Variants in NUCB2 observed in about 807,000 individuals in gnomAD.
NUCB2 encodes nucleobindin-2.
A neutral mutation model predicts 57.9 loss-of-function variants in NUCB2; 48 were observed. The observed-to-expected ratio is 0.83, with a 90% CI of 0.66 to 1.05. The LOEUF is 1.05. Ranked by LOEUF, NUCB2 falls within the 50% of genes least tolerant of loss-of-function variation. NUCB2 has a pLI of 0.00. For missense variants in NUCB2, 442 were observed against 476.2 expected, an observed-to-expected ratio of 0.93 and a Z score of 0.67; for synonymous variants, 139 against 152.1, an observed-to-expected ratio of 0.91 and a Z score of 0.64.
intron 5 of NUCB2, among the ~76,000 whole-genome samples, chr11:17,303,853 C>G (rs999238545): frequency 1.3e-5 from 2 of 150,040 alleles, no homozygotes; most frequent in Non-Finnish European, 3.0e-5. Context: ...TCACCTCACT[C>G]CAGCCTGGGC....
At chr11:17,320,330 C>T (rs946425657) in intron 11 of NUCB2, among the ~76,000 whole-genome samples, 9 of 152,190 alleles carry the variant, frequency 5.9e-5, no homozygotes, top group African/African-American at 2.2e-4. Context: ...TTTCAGAATA[C>T]TAATCCATGC....
intron 6 of NUCB2, 30 bp from the exon 7 acceptor site, chr11:17,310,795 A>C (rs767009043): frequency 5.3e-6 from 8 of 1,521,450 alleles, no homozygotes; most frequent in Non-Finnish European, 7.1e-6. Context: ...GAATGTTTTT[A>C]TTTAACTTAA....
chr11:17,317,285 A>G (rs577244335), intron 11 of NUCB2, among the ~76,000 whole-genome samples: 18 of 152,156 alleles, frequency 1.2e-4, no homozygotes, highest in Middle Eastern at 3.4e-3. Context: ...TAATGTATAT[A>G]CTTATGTATA....
At chr11:17,338,579 T>A (rs1305646386) in intron 2 of NUCB2, among the ~76,000 whole-genome samples, 1 of 152,222 alleles carries the variant, frequency 6.6e-6, no homozygotes, top group Non-Finnish European at 1.5e-5. Context: ...TCCAGATTTA[T>A]GAATATATAC....
chr11:17,294,288 G>A (rs1461357116), intron 2 of NUCB2, among the ~76,000 whole-genome samples: 1 of 152,010 alleles, frequency 6.6e-6, no homozygotes, highest in African/African-American at 2.4e-5. Context: ...ACAGGTTCCT[G>A]GCCCCCACCC....
intron 11 of NUCB2, among the ~76,000 whole-genome samples, chr11:17,319,237 CA>C (rs1949698122): frequency 1.3e-5 from 2 of 152,116 alleles, no homozygotes; most frequent in Admixed American, 1.3e-4. Context: ...TTCTTTTATT[CA>C]ATAAGCTCTA....
chr11:17,292,689 A>G (rs1332725645), intron 2 of NUCB2, among the ~76,000 whole-genome samples: 1 of 152,222 alleles, frequency 6.6e-6, no homozygotes, highest in Non-Finnish European at 1.5e-5. Context: ...TGTATGACTG[A>G]CTGCTGTGTG....
In NUCB2 at chr11:17,285,155, C is replaced by T. The variant is rs188221987; in HGVS notation, c.-1+2212C>T. 3.3e-3 allele frequency among the ~76,000 whole-genome samples: 506 copies of T among 152,186 alleles called. 1 individual carries two copies. Among genetic ancestry groups the T allele is most frequent in the African/African-American group, 6.2e-3 (257 of 41,526 alleles). ...AAAGATACATAAAAGAGGCTGGGCG[C>T]GGTGGCTCATGCCTGTAATCCCAGC... is the stretch of plus-strand genomic sequence containing the variant. On this transcript the variant is annotated intron_variant, in intron 2 of 13. Coordinates refer to ENST00000529010, the MANE Select transcript of NUCB2 (RefSeq NM_005013.4).
chr11:17,288,880 T>TACACACACACACAC lies in NUCB2; in HGVS notation c.-1+5938_-1+5939insCACACACACACACA, dbSNP rs775443519. Among the ~76,000 whole-genome samples, 18 of 67,530 alleles carry TACACACACACACAC rather than the reference T, an allele frequency of 2.7e-4. 1 individual carries two copies. The highest frequency in any genetic ancestry group is 4.3e-4 in the Non-Finnish European group (15 of 34,698). The allele number at this position is 67,530 out of a possible 152,430, so 44.3% of individuals were successfully genotyped here. A position where few individuals can be genotyped will look rare whatever the true frequency, so the allele number is the denominator to read the frequency against. ...CTTAAAGTCTATTTAATAACATGTA[T>TACACACACACACAC]ATACACACACACACACACACACACA... On this transcript the variant is annotated intron_variant, in intron 2 of 13. Coordinates refer to ENST00000529010, the MANE Select transcript of NUCB2 (RefSeq NM_005013.4).
intron 11 of NUCB2, among the ~76,000 whole-genome samples, chr11:17,318,822 A>T (rs1003814438): frequency 6.6e-6 from 1 of 152,170 alleles, no homozygotes; most frequent in Non-Finnish European, 1.5e-5. Flanking sequence ...TCTTTTGCAA[A>T]ATTGCTTTTC....
intron 11 of NUCB2, among the ~76,000 whole-genome samples, chr11:17,324,996 G>T (rs1950498395): frequency 6.6e-6 from 1 of 151,812 alleles, no homozygotes; most frequent in Non-Finnish European, 1.5e-5. Flanking sequence ...TAGAGATGGG[G>T]TTTACCATAT....
In NUCB2 at chr11:17,311,894, G is replaced by C; in HGVS notation, c.783G>C (p.Leu261=). ...TAGATGTCAATAGTGATGGATTCCT[G>C]GATGAACAAGAATTAGAAGCCCTAT... ...KLHDVNSDGF[L]DEQELEALFT... The change falls in exon 9 of 14, where the codon CTG becomes CTC. Residue 261 remains leucine (L), a synonymous_variant. Coordinates refer to ENST00000529010, the MANE Select transcript of NUCB2 (RefSeq NM_005013.4). 1 of 1,597,524 alleles carries C rather than the reference G, an allele frequency of 6.3e-7. No individual in the cohort carries two copies. The highest frequency in any genetic ancestry group is 8.5e-7 in the Non-Finnish European group (1 of 1,169,786).
chr11:17,349,632 A>G (rs1401913235), exon 3 of NUCB2: 1 of 152,228 alleles, frequency 6.6e-6, no homozygotes, highest in Non-Finnish European at 1.5e-5. Flanking sequence ...TAGTTCCAGA[A>G]TGATTAGGAA....
Position 17,310,854 on chromosome 11 carries a change from G to T in NUCB2, c.513G>T (p.Lys171Asn). ...AATSDLEHYD[K>N]TRHEEFKKYE... ...CAAGTGATCTGGAACACTATGACAA[G>T]ACTCGTCATGAAGAATTTAAAAAAT... is the stretch of plus-strand genomic sequence containing the variant. The change falls in exon 7 of 14, where the codon AAG becomes AAT. Residue 171 changes from lysine (K) to asparagine (N), a missense_variant. By Grantham distance (94) the Lys-to-Asn change is moderately conservative (BLOSUM62 0). Coordinates refer to ENST00000529010, the MANE Select transcript of NUCB2 (RefSeq NM_005013.4). 6.3e-7 allele frequency: 1 copy of T among 1,589,036 alleles called. No individual in the cohort carries two copies. The highest frequency in any genetic ancestry group is 1.2e-5 in the South Asian group (1 of 84,912).
downstream of NUCB2, among the ~76,000 whole-genome samples, chr11:17,335,583 C>G (rs1951737231): frequency 1.3e-5 from 2 of 152,120 alleles, no homozygotes; most frequent in Admixed American, 1.3e-4. Flanking sequence ...CTCACTGCAA[C>G]ATGTGCTGCC....
chr11:17,308,529 C>A (rs1455023317), intron 5 of NUCB2, among the ~76,000 whole-genome samples: 1 of 152,176 alleles, frequency 6.6e-6, no homozygotes, highest in Non-Finnish European at 1.5e-5. Context: ...TATATTCCTT[C>A]TTCCTAAATG....
chr11:17,280,901 C>T (rs573397519), intron 1 of NUCB2, among the ~76,000 whole-genome samples: 12 of 152,032 alleles, frequency 7.9e-5, no homozygotes, highest in Admixed American at 2.0e-4. Flanking sequence ...ACTAGCTGGG[C>T]GTGGTGGTGC....
At position 17,309,583 on chromosome 11, in the gene NUCB2, G is replaced by C; in HGVS notation, c.391G>C (p.Asp131His). The change falls in exon 6 of 14, where the codon GAC becomes CAC. Residue 131 changes from aspartate to histidine, a missense_variant. By Grantham distance (81) the Asp-to-His change is moderately conservative (BLOSUM62 -1). Coordinates refer to ENST00000529010, the MANE Select transcript of NUCB2 (RefSeq NM_005013.4). Reference protein sequence around the residue: ...KLDSLQDIGMDHQALLKQFDH... With the variant: ...KLDSLQDIGMHHQALLKQFDH... ...TTATTTTCTTTCAGATATAGGCATG[G>C]ACCACCAAGCTCTTCTAAAACAATT... The C allele has an allele frequency of 6.3e-7, 1 of 1,583,328 alleles. No individual in the cohort carries two copies. Among genetic ancestry groups the C allele is most frequent in the Non-Finnish European group, 8.6e-7 (1 of 1,166,778 alleles).
chr11:17,334,945 AT>A (rs1307985707), downstream of NUCB2, among the ~76,000 whole-genome samples: 1 of 151,924 alleles, frequency 6.6e-6, no homozygotes, highest in Non-Finnish European at 1.5e-5. Flanking sequence ...TCACTTAATA[AT>A]TTTTAAACTG....
Sources: allele counts gnomAD v4.1 joint callset (sites outside exome capture counted in the v4.1 genomes callset), GRCh38; gene constraint gnomAD v4.1.1; transcripts MANE v1.5; gene names NCBI Gene and HGNC (gene_info 2026-07-23, HGNC 2026-07-21).